Variants in SPOCK1 observed in about 807,000 individuals in gnomAD.
SPOCK1 encodes SPARC (osteonectin), cwcv and kazal like domains proteoglycan 1.
SPOCK1 carries 23 observed loss-of-function variants against 55.3 expected under a neutral mutation model. The ratio of observed to expected loss-of-function variants is 0.42; its 90% CI spans 0.30 to 0.59. The LOEUF is 0.59. Among genes scored for constraint, SPOCK1 ranks in the 20% least tolerant of loss-of-function variants. The probability of loss-of-function intolerance (pLI) is 0.22; values close to 1 mark genes in which losing one functional copy is unlikely to be tolerated. For synonymous variants in SPOCK1, 226 were observed against 221.0 expected, an observed-to-expected ratio of 1.02 and a Z score of -0.20; for missense variants, 499 against 552.5, an observed-to-expected ratio of 0.90 and a Z score of 0.97.
intron 2 of SPOCK1, among the ~76,000 whole-genome samples, chr5:137,358,697 T>C (rs1033413115): frequency 3.3e-5 from 5 of 152,202 alleles, no homozygotes; most frequent in African/African-American, 9.7e-5. Flanking sequence ...AAACCTGGAA[T>C]GTTCCAGGTG....
intron 2 of SPOCK1, among the ~76,000 whole-genome samples, chr5:137,367,623 T>C (rs1437178141): frequency 6.6e-6 from 1 of 152,206 alleles, no homozygotes; most frequent in African/African-American, 2.4e-5. Context: ...GGCTATCCCA[T>C]GTTGAGCCCC....
intron 2 of SPOCK1, among the ~76,000 whole-genome samples, chr5:137,471,517 C>T (rs1413273611): frequency 2.0e-5 from 3 of 152,200 alleles, no homozygotes; most frequent in Admixed American, 1.3e-4. Flanking sequence ...ACCGCTATTC[C>T]TATCTGTGCA....
intron 3 of SPOCK1, among the ~76,000 whole-genome samples, chr5:137,160,581 T>C (rs1754520617): frequency 1.8e-5 from 1 of 55,880 alleles, no homozygotes; most frequent in Non-Finnish European, 3.3e-5. Context: ...TTATATAATA[T>C]ATATAATATA....
rs147589234 is a variant in SPOCK1, at chr5:137,077,233, T to G, written c.475-9404A>C. On this transcript the variant is annotated intron_variant, in intron 5 of 10. Transcript: ENST00000394945. ...GCCACCGCGCCCGGCCCCCGCAGAT[T>G]TAATTTTTAATTCAACCCCTTCACT... Among the ~76,000 whole-genome samples, 405 of 152,344 alleles carry G rather than the reference T, an allele frequency of 2.7e-3. 5 individuals are homozygous for G. The highest frequency in any genetic ancestry group is 9.4e-3 in the African/African-American group (391 of 41,580).
At chr5:137,099,436 T>C (rs1284999019) in intron 5 of SPOCK1, among the ~76,000 whole-genome samples, 1 of 152,170 alleles carries the variant, frequency 6.6e-6, no homozygotes, top group African/African-American at 2.4e-5. Flanking sequence ...GTGTAAAACC[T>C]TTGCCCTGAA....
chr5:137,173,777 G>C (rs1253115938), intron 3 of SPOCK1, among the ~76,000 whole-genome samples: 5 of 152,126 alleles, frequency 3.3e-5, no homozygotes, highest in African/African-American at 1.2e-4. Context: ...TCCTTAACCA[G>C]GGTAATGACT....
chr5:137,073,526 C>A (rs1403527755), intron 5 of SPOCK1, among the ~76,000 whole-genome samples: 2 of 152,184 alleles, frequency 1.3e-5, no homozygotes, highest in Non-Finnish European at 2.9e-5. Context: ...CGATGGTTGG[C>A]CTGTGTGTGA....
chr5:137,100,796 C>T (rs536496928), intron 5 of SPOCK1, among the ~76,000 whole-genome samples: 3 of 152,006 alleles, frequency 2.0e-5, no homozygotes, highest in Admixed American at 6.5e-5. Context: ...GAAGGACACC[C>T]TTGTTCAGAG....
chr5:137,249,436 G>A (rs1448994448), intron 3 of SPOCK1, among the ~76,000 whole-genome samples: 2 of 152,116 alleles, frequency 1.3e-5, no homozygotes, highest in African/African-American at 4.8e-5. Flanking sequence ...TGTATCAATA[G>A]ACAAATTTTT....
rs1754516025 is a variant in SPOCK1, at chr5:137,160,558, T to TATATA, written c.233-19869_233-19865dup. On this transcript the variant is annotated intron_variant, in intron 3 of 10. Coordinates refer to ENST00000394945, the MANE Select transcript of SPOCK1 (RefSeq NM_004598.4). Reference sequence around the variant, plus strand: ...AATATATAATATATATAATATATATTATATATTATATATTATATAATATAT... The same window carrying TATATA: ...AATATATAATATATATAATATATATTATATAATATATTATATATTATATAATATAT... 1.0e-4 allele frequency among the ~76,000 whole-genome samples: 6 copies of TATATA among 57,288 alleles called. 1 individual carries two copies. The highest frequency in any genetic ancestry group is 4.7e-4 in the African/African-American group (6 of 12,804). 37.6% of individuals were successfully genotyped at this position (57,288 alleles called of 152,430 possible).
At chr5:137,136,920 T>C (rs1339360186) in intron 4 of SPOCK1, among the ~76,000 whole-genome samples, 2 of 152,156 alleles carry the variant, frequency 1.3e-5, no homozygotes, top group African/African-American at 4.8e-5. Context: ...TGAAACCAAA[T>C]ACAAATGCCA....
At chr5:137,310,524 T>C (rs1757771260) in intron 2 of SPOCK1, among the ~76,000 whole-genome samples, 1 of 152,230 alleles carries the variant, frequency 6.6e-6, no homozygotes, top group South Asian at 2.1e-4. Flanking sequence ...TCATTAATCA[T>C]CAAAACAGCA....
At chr5:137,331,050 G>A (rs1156508834) in intron 2 of SPOCK1, among the ~76,000 whole-genome samples, 1 of 152,176 alleles carries the variant, frequency 6.6e-6, no homozygotes, top group Admixed American at 6.5e-5. Context: ...CAAATTCCTA[G>A]CCTAACTGAA....
chr5:137,349,141 G>A (rs1750624467), intron 2 of SPOCK1, among the ~76,000 whole-genome samples: 1 of 152,188 alleles, frequency 6.6e-6, no homozygotes, highest in Non-Finnish European at 1.5e-5. Context: ...TTACATACAT[G>A]TGGCTCTCAA....
intron 3 of SPOCK1, among the ~76,000 whole-genome samples, chr5:137,257,137 G>A (rs1756650904): frequency 6.6e-6 from 1 of 152,166 alleles, no homozygotes; most frequent in African/African-American, 2.4e-5. Flanking sequence ...ATCCTGCTCT[G>A]GGTGTTTCAA....
chr5:137,346,079 A>AT (rs1750548758), intron 2 of SPOCK1, among the ~76,000 whole-genome samples: 1 of 152,170 alleles, frequency 6.6e-6, no homozygotes, highest in African/African-American at 2.4e-5. Context: ...TGTCCCACCC[A>AT]AAGCCCCTGT....
Position 137,498,451 on chromosome 5 carries a change from G to A in SPOCK1, c.108C>T (p.Gly36=). 1.2e-6 allele frequency: 2 copies of A among 1,610,564 alleles called. No homozygotes were observed. The highest frequency in any genetic ancestry group is 1.7e-6 in the Non-Finnish European group (2 of 1,178,986). Residue 36 remains glycine (G), a synonymous_variant, in exon 2 of 11, where the codon GGC becomes GGT. Coordinates refer to ENST00000394945, the MANE Select transcript of SPOCK1 (RefSeq NM_004598.4). ...GCCACTGGTCATTGTCTAGGAAATT[G>A]CCGTGGTTGGGGCCCGCGCCTCCGG... is the stretch of plus-strand genomic sequence containing the variant. The part of the protein sequence containing the change: ...ALAGGAGPNH[G]NFLDNDQWLS...
intron 5 of SPOCK1, among the ~76,000 whole-genome samples, chr5:137,091,738 C>T (rs1355606794): frequency 6.6e-6 from 1 of 152,100 alleles, no homozygotes; most frequent in Non-Finnish European, 1.5e-5. Flanking sequence ...TCAGGCATTC[C>T]CAGAGCTGGG....
intron 3 of SPOCK1, among the ~76,000 whole-genome samples, chr5:137,191,550 C>A (rs1460144748): frequency 6.6e-6 from 1 of 152,204 alleles, no homozygotes. Context: ...TCAAAACCTT[C>A]GCATGAATCA....
Sources: allele counts gnomAD v4.1 joint callset (sites outside exome capture counted in the v4.1 genomes callset), GRCh38; gene constraint gnomAD v4.1.1; transcripts MANE v1.5; gene names NCBI Gene and HGNC (gene_info 2026-07-23, HGNC 2026-07-21).